The following SLC11A2 variants were observed in gnomAD, a reference collection of about 807,000 sequenced individuals.
SLC11A2 encodes the protein solute carrier family 11 member 2.
SLC11A2 carries 38 observed loss-of-function variants against 68.0 expected under a neutral mutation model. The observed-to-expected ratio is 0.56, with a 90% CI of 0.43 to 0.73. The LOEUF is 0.73. Among genes scored for constraint, SLC11A2 ranks in the 30% least tolerant of loss-of-function variants. The pLI is 0.00. For missense variants in SLC11A2, 517 were observed against 690.5 expected (o/e 0.75, Z 2.82); for synonymous variants, 242 against 250.6 (o/e 0.97, Z 0.32).
At chr12:51,008,148 TG>T (rs1218443723) in intron 3 of SLC11A2, 1 of 215,248 alleles carries the variant, frequency 4.6e-6, no homozygotes, top group Non-Finnish European at 9.4e-6. Flanking sequence ...AAGGCTACAG[TG>T]GGCTATGGTT....
chr12:50,991,583 AGAG>A lies in SLC11A2; in HGVS notation c.1421+13_1421+15del. 1 of 1,609,206 alleles carries A rather than the reference AGAG, an allele frequency of 6.2e-7. No individual in the cohort carries two copies. Among genetic ancestry groups the A allele is most frequent in the Non-Finnish European group, 8.5e-7 (1 of 1,175,900 alleles). On this transcript the variant is annotated intron_variant, in intron 14 of 15. Coordinates refer to ENST00000262052, the MANE Select transcript of SLC11A2 (RefSeq NM_000617.3). ...ATATCAGCATCCCCTTTGGGAACGAAGAGGAGTACACTCACAGTCCATTGGCAA... is the reference window on the plus strand; with the variant it reads ...ATATCAGCATCCCCTTTGGGAACGAAGAGTACACTCACAGTCCATTGGCAA...
At chr12:51,027,380 C>T (rs1944435519), upstream of SLC11A2, among the ~76,000 whole-genome samples, 1 of 151,920 alleles carries the variant, frequency 6.6e-6, no homozygotes, top group Non-Finnish European at 1.5e-5. Flanking sequence ...TTTCCTCGCG[C>T]CCCCAGAGCC....
At chr12:51,019,644 CTTT>C (rs767266753) in intron 1 of SLC11A2, among the ~76,000 whole-genome samples, 26 of 135,734 alleles carry the variant, frequency 1.9e-4, no homozygotes, top group African/African-American at 5.5e-4. Flanking sequence ...ATCCATCCAA[CTTT>C]TTTTTTTTTT....
At chr12:50,973,833 G>A in the SLC11A2 span, among the ~76,000 whole-genome samples, 62 of 152,316 alleles carry the variant, frequency 4.1e-4, 1 homozygote, top group South Asian at 0.012. Context: ...CAAGAACTAC[G>A]TGACGAATGC....
intron 14 of SLC11A2, 183 bp downstream of exon 14, chr12:50,991,416 G>T: frequency 1.6e-6 from 1 of 622,780 alleles, no homozygotes; most frequent in South Asian, 1.9e-5. Flanking sequence ...TATGAAAGAC[G>T]TGCTTTCTCT....
chr12:51,023,172 C>T (rs564662475), intron 1 of SLC11A2, among the ~76,000 whole-genome samples: 1 of 152,154 alleles, frequency 6.6e-6, no homozygotes, highest in Admixed American at 6.5e-5. Context: ...CAAGGCTGGG[C>T]GCAGTGGCTC....
intron 15 of SLC11A2, among the ~76,000 whole-genome samples, chr12:50,990,104 A>G (rs1264826213): frequency 6.6e-6 from 1 of 152,236 alleles, no homozygotes; most frequent in Non-Finnish European, 1.5e-5. Context: ...AAAATTTTTT[A>G]TAATTGAAAT....
At chr12:50,975,401 A>C (rs1446982603), downstream of SLC11A2, among the ~76,000 whole-genome samples, 1 of 152,220 alleles carries the variant, frequency 6.6e-6, no homozygotes, top group Admixed American at 6.5e-5. Context: ...CTGGGTACAT[A>C]ATGAAATGAA....
At position 50,999,306 on chromosome 12, in the gene SLC11A2, G is replaced by GAGCA. The variant is rs774953188; in HGVS notation, c.607+35_607+38dup. 5.0e-6 allele frequency: 8 copies of GAGCA among 1,606,852 alleles called. No homozygotes were observed. In the African/African-American group the frequency reaches 1.1e-4, roughly 21 times the overall value. On this transcript the variant is annotated intron_variant, in intron 7 of 15. Coordinates refer to ENST00000262052, the MANE Select transcript of SLC11A2 (RefSeq NM_000617.3). ...ACTTCCCCATCTGCCACATGACAGAGAGCAGCTCCTTTGACCCTCCCATTC... is the reference window on the plus strand; with the variant it reads ...ACTTCCCCATCTGCCACATGACAGAGAGCAAGCAGCTCCTTTGACCCTCCCATTC...
chr12:50,966,340 C>A, the SLC11A2 span, among the ~76,000 whole-genome samples: 1 of 152,150 alleles, frequency 6.6e-6, no homozygotes, highest in Non-Finnish European at 1.5e-5. Context: ...TCTAACATAC[C>A]AATCTCCCTA....
At chr12:51,021,869 C>T (rs764797495) in intron 1 of SLC11A2, among the ~76,000 whole-genome samples, 1 of 152,000 alleles carries the variant, frequency 6.6e-6, no homozygotes, top group Non-Finnish European at 1.5e-5. Context: ...GTGTCAAAAA[C>T]GATAACAGTT....
In SLC11A2 at chr12:51,010,127, T is replaced by C. The variant is rs578162234; in HGVS notation, c.34+568A>G. Reference sequence around the variant, plus strand: ...TGAACCGGGGAGGCGGAGGTTGCAGTGAGCCGACACAGTGCCACTGAACAC... The same window carrying C: ...TGAACCGGGGAGGCGGAGGTTGCAGCGAGCCGACACAGTGCCACTGAACAC... On this transcript the variant is annotated intron_variant, in intron 2 of 15. Transcript: ENST00000262052. 9.9e-5 allele frequency among the ~76,000 whole-genome samples: 15 copies of C among 151,668 alleles called. No homozygotes were observed. The East Asian group carries it at 2.9e-3, about 29-fold the overall frequency.
chr12:51,026,450 A>G (rs1172094694), upstream of SLC11A2: 10 of 878,920 alleles, frequency 1.1e-5, no homozygotes, highest in Non-Finnish European at 1.6e-5. Flanking sequence ...TATTGGCTGG[A>G]GTCCCTGCAG....
chr12:51,010,609 C>T, intron 2 of SLC11A2, 86 bp downstream of exon 2: 1 of 788,904 alleles, frequency 1.3e-6, no homozygotes, highest in Middle Eastern at 2.3e-4. Flanking sequence ...CAGATGATGA[C>T]AAGAGGAAAA....
chr12:50,996,580 TAA>T (rs761915241), intron 9 of SLC11A2, among the ~76,000 whole-genome samples: 63 of 129,024 alleles, frequency 4.9e-4, no homozygotes, highest in Admixed American at 5.5e-4. Flanking sequence ...CATCTCAATT[TAA>T]AAAAAAAAAA....
intron 5 of SLC11A2, among the ~76,000 whole-genome samples, chr12:51,004,409 A>C (rs1471383638): frequency 6.6e-6 from 1 of 152,244 alleles, no homozygotes; most frequent in Non-Finnish European, 1.5e-5. Context: ...GTGATGGCAA[A>C]GTCAAACAAA....
chr12:50,995,091 A>T (rs1049391218), intron 10 of SLC11A2: 4 of 231,686 alleles, frequency 1.7e-5, no homozygotes, highest in Admixed American at 5.2e-5. Context: ...CAGGTGGATC[A>T]CTTGAGGTCA....
the SLC11A2 span, among the ~76,000 whole-genome samples, chr12:50,972,460 G>T: frequency 2.6e-5 from 4 of 152,356 alleles, no homozygotes; most frequent in Admixed American, 2.6e-4. Flanking sequence ...AAGGAAAGTG[G>T]TCACAATCGA....
At chr12:51,026,902 C>T (rs1272323716), upstream of SLC11A2, among the ~76,000 whole-genome samples, 2 of 151,996 alleles carry the variant, frequency 1.3e-5, no homozygotes, top group Admixed American at 6.6e-5. Context: ...AAAGGCCGGG[C>T]GCGGTGGCTC....
Sources: gnomAD v4.1 joint callset for allele counts (sites outside exome capture counted in the v4.1 genomes callset) on GRCh38, gnomAD v4.1.1 for gene constraint, MANE v1.5 for transcripts, NCBI Gene and HGNC (gene_info 2026-07-23, HGNC 2026-07-21) for gene names.